ITCH: variants seen among roughly 807,000 people sequenced by gnomAD.
ITCH encodes the protein E3 ubiquitin-protein ligase Itchy homolog.
Under a neutral mutation model 126.8 loss-of-function variants are expected in ITCH, and 28 were observed. The observed-to-expected ratio is 0.22, with a 90% CI of 0.16 to 0.30. The LOEUF (loss-of-function observed/expected upper bound fraction) is 0.30. Among genes scored for constraint, ITCH ranks in the 10% least tolerant of loss-of-function variants. The probability of loss-of-function intolerance (pLI) is 1.00; values close to 1 mark genes in which losing one functional copy is unlikely to be tolerated. For missense variants in ITCH, 631 were observed against 1,032.4 expected, an observed-to-expected ratio of 0.61 and a Z score of 5.33; for synonymous variants, 342 against 340.0, an observed-to-expected ratio of 1.01 and a Z score of -0.06.
At chr20:34,456,844 A>T (rs1278534726) in intron 12 of ITCH, among the ~76,000 whole-genome samples, 3 of 151,574 alleles carry the variant, frequency 2.0e-5, no homozygotes, top group Non-Finnish European at 4.4e-5. Context: ...GGCCTCCCAA[A>T]GTGCTGGGAT....
At chr20:34,496,453 T>C (rs563283315) in intron 23 of ITCH, among the ~76,000 whole-genome samples, 1 of 152,334 alleles carries the variant, frequency 6.6e-6, no homozygotes, top group South Asian at 2.1e-4. Context: ...TAGTTTCATA[T>C]AACCCAATTT....
chr20:34,431,907 G>A (rs1982349585), intron 7 of ITCH, among the ~76,000 whole-genome samples: 1 of 152,058 alleles, frequency 6.6e-6, no homozygotes, highest in South Asian at 2.1e-4. Flanking sequence ...AGCTGGGTGT[G>A]GTGGCATGCG....
intron 9 of ITCH, 58 bp downstream of exon 9, chr20:34,440,402 A>G: frequency 8.1e-7 from 1 of 1,234,536 alleles, no homozygotes; most frequent in Non-Finnish European, 1.2e-6. Flanking sequence ...AAGCCTACTT[A>G]TTAATAAGGA....
chr20:34,419,526 G>C (rs1036612710), intron 6 of ITCH, among the ~76,000 whole-genome samples: 1 of 150,546 alleles, frequency 6.6e-6, no homozygotes, highest in African/African-American at 2.4e-5. Flanking sequence ...CTGTTGCCCC[G>C]GCTTGAGTGC....
intron 2 of ITCH, among the ~76,000 whole-genome samples, chr20:34,378,065 C>G (rs1037021185): frequency 1.3e-5 from 2 of 149,748 alleles, no homozygotes; most frequent in Admixed American, 6.7e-5. Context: ...ATTCCTCATT[C>G]TTGGCCAAAT....
chr20:34,493,903 C>A (rs991793043), intron 23 of ITCH, among the ~76,000 whole-genome samples: 4 of 152,148 alleles, frequency 2.6e-5, no homozygotes, highest in African/African-American at 9.7e-5. Flanking sequence ...AAGGCTAATG[C>A]CTAGAACCAT....
chr20:34,384,861 A>G (rs1339375431), intron 2 of ITCH, among the ~76,000 whole-genome samples: 2 of 151,148 alleles, frequency 1.3e-5, no homozygotes, highest in African/African-American at 2.4e-5. Context: ...GCGGGGTTTC[A>G]CCGTGTTAGC....
rs764325370 is a variant in ITCH, at chr20:34,481,204, C to T, written c.2091C>T (p.Ile697=). 1 of 1,613,316 alleles carries T rather than the reference C, an allele frequency of 6.2e-7. No individual in the cohort carries two copies. The highest frequency in any genetic ancestry group is 8.5e-7 in the Non-Finnish European group (1 of 1,179,550). The change falls in exon 20 of 25, where the codon ATC becomes ATT. Residue 697 remains isoleucine (I), a splice_region_variant and synonymous_variant. Transcript: ENST00000374864. The stretch of plus-strand genomic sequence containing the variant: ...CAGAAGAAAATAAAGAGGAATACAT[C>T]AGGTGAGAGTGCTCCTTTTCACATT... ...LVTEENKEEY[I]RMVAEWRLSR...
chr20:34,510,364 CT>C lies in ITCH; in HGVS notation c.*2575del, dbSNP rs1288281783. ...ATTTATTGTAAGTATTTACTTAGAG[CT>C]TTTTCTTAAATCTGAACTAACTTGC... On this transcript the variant is annotated 3_prime_UTR_variant, in exon 25 of 25. Coordinates refer to ENST00000374864, the MANE Select transcript of ITCH (RefSeq NM_031483.7). 6.7e-6 allele frequency: 1 copy of C among 149,636 alleles called. No individual in the cohort carries two copies. Among genetic ancestry groups the C allele is most frequent in the African/African-American group, 2.5e-5 (1 of 40,342 alleles). 9.3% of individuals were successfully genotyped at this position (149,636 alleles called of 1,614,324 possible). A position where few individuals can be genotyped will look rare whatever the true frequency, so the allele number is the denominator to read the frequency against.
intron 7 of ITCH, among the ~76,000 whole-genome samples, chr20:34,432,242 A>G (rs1454613647): frequency 6.6e-6 from 1 of 152,100 alleles, no homozygotes. Context: ...AAAAAATTAA[A>G]CTAAAACCTC....
intron 17 of ITCH, among the ~76,000 whole-genome samples, chr20:34,478,506 G>A (rs75530349): frequency 6.6e-6 from 1 of 152,112 alleles, no homozygotes; most frequent in African/African-American, 2.4e-5. Context: ...CGTAGAGCTG[G>A]CATTGTGCAA....
intron 14 of ITCH, chr20:34,466,222 G>T (rs1305956917): frequency 5.6e-6 from 2 of 358,690 alleles, no homozygotes; most frequent in Non-Finnish European, 1.1e-5. Context: ...ATATTATGTT[G>T]ATTTTTCATA....
At chr20:34,419,745 T>A (rs114791733) in intron 6 of ITCH, among the ~76,000 whole-genome samples, 3 of 152,170 alleles carry the variant, frequency 2.0e-5, no homozygotes, top group African/African-American at 4.8e-5. Flanking sequence ...AGCTCCGCCT[T>A]GCCGGTTCAC....
At chr20:34,466,285 A>G (rs769773001) in intron 14 of ITCH, 1 of 477,702 alleles carries the variant, frequency 2.1e-6, no homozygotes, top group East Asian at 6.0e-5. Context: ...CAAAAGGATT[A>G]AAGTGTGCTT....
intron 1 of ITCH, among the ~76,000 whole-genome samples, chr20:34,364,601 G>A (rs1175755271): frequency 6.6e-6 from 1 of 151,698 alleles, no homozygotes; most frequent in East Asian, 1.9e-4. Context: ...AATGGGCCGG[G>A]TGCTGTGTGT....
At chr20:34,507,265 T>G (rs1422871956) in intron 24 of ITCH, among the ~76,000 whole-genome samples, 1 of 60,024 alleles carries the variant, frequency 1.7e-5, no homozygotes, top group Non-Finnish European at 4.3e-5. Context: ...TTTCTTCTGT[T>G]TTTTTTTTTT....
chr20:34,423,099 T>C (rs1981008793), intron 6 of ITCH, among the ~76,000 whole-genome samples: 1 of 152,134 alleles, frequency 6.6e-6, no homozygotes, highest in Non-Finnish European at 1.5e-5. Flanking sequence ...CCGGCCTCTA[T>C]TTTTTATCTC....
chr20:34,365,846 G>C (rs2037402371), intron 1 of ITCH, among the ~76,000 whole-genome samples: 2 of 152,146 alleles, frequency 1.3e-5, no homozygotes. Context: ...AGTAGGTCTG[G>C]GTTGGCTTCA....
At chr20:34,449,999 A>AT (rs1239990379) in intron 12 of ITCH, among the ~76,000 whole-genome samples, 9 of 152,176 alleles carry the variant, frequency 5.9e-5, no homozygotes, top group African/African-American at 2.2e-4. Flanking sequence ...CATCATCTTG[A>AT]TTCCATCAAG....
Sources: gnomAD v4.1 joint callset for allele counts (sites outside exome capture counted in the v4.1 genomes callset) on GRCh38, gnomAD v4.1.1 for gene constraint, MANE v1.5 for transcripts, NCBI Gene and HGNC (gene_info 2026-07-23, HGNC 2026-07-21) for gene names.